WBP1L: variants seen among roughly 807,000 people sequenced by gnomAD.
The protein encoded by WBP1L is WW domain binding protein 1 like, also known as WW domain binding protein 1-like.
Under a neutral mutation model 33.7 loss-of-function variants are expected in WBP1L, and 17 were observed. The observed-to-expected ratio is 0.50, with a 90% CI of 0.34 to 0.76. The LOEUF (loss-of-function observed/expected upper bound fraction) is 0.76, where lower values mean the gene tolerates loss of function less well. Ranked by LOEUF, WBP1L falls within the 30% of genes least tolerant of loss-of-function variation. WBP1L has a pLI of 0.01. For synonymous variants in WBP1L, 173 were observed against 190.8 expected, an observed-to-expected ratio of 0.91 and a Z score of 0.77; for missense variants, 389 against 469.4, an observed-to-expected ratio of 0.83 and a Z score of 1.58.
chr10:102,780,387 G>T (rs919884704), intron 1 of WBP1L, among the ~76,000 whole-genome samples: 1 of 152,192 alleles, frequency 6.6e-6, no homozygotes. Context: ...CTGGTTAAGA[G>T]AAATTCCATT....
At chr10:102,790,382 G>GTATC (rs1209896978) in intron 1 of WBP1L, among the ~76,000 whole-genome samples, 1 of 151,944 alleles carries the variant, frequency 6.6e-6, no homozygotes, top group Non-Finnish European at 1.5e-5. Context: ...AGATATGCTT[G>GTATC]TATCTTATAG....
chr10:102,783,633 C>T (rs1007121244), intron 1 of WBP1L, among the ~76,000 whole-genome samples: 2 of 152,212 alleles, frequency 1.3e-5, no homozygotes, highest in Non-Finnish European at 2.9e-5. Flanking sequence ...TTTTGCCCTT[C>T]CCCCATAGGG....
chr10:102,752,598 T>C (rs1388567369), intron 1 of WBP1L, among the ~76,000 whole-genome samples: 3 of 152,226 alleles, frequency 2.0e-5, no homozygotes, highest in African/African-American at 7.2e-5. Context: ...TTTAAGAACA[T>C]GATTTGCTTT....
intron 1 of WBP1L, among the ~76,000 whole-genome samples, chr10:102,764,665 A>G (rs876003): frequency 0.024 from 3,640 of 152,120 alleles, 47 homozygotes; most frequent in African/African-American, 0.036. Context: ...ACCCTCTACA[A>G]CTTATTGGAG....
At chr10:102,760,198 T>G (rs1211712379) in intron 1 of WBP1L, among the ~76,000 whole-genome samples, 1 of 152,158 alleles carries the variant, frequency 6.6e-6, no homozygotes, top group East Asian at 1.9e-4. Context: ...TACCCTTATC[T>G]GACTCGGGGG....
intron 1 of WBP1L, among the ~76,000 whole-genome samples, chr10:102,770,788 G>T (rs1476664707): frequency 2.0e-5 from 3 of 152,226 alleles, no homozygotes. Flanking sequence ...CCAGAGCGCT[G>T]ACCAGGGACC....
intron 2 of WBP1L, chr10:102,803,803 T>C (rs1590191502): frequency 6.6e-6 from 1 of 151,980 alleles, no homozygotes; most frequent in Non-Finnish European, 1.5e-5. Flanking sequence ...GGAGACGAGG[T>C]TTCACTGTGT....
chr10:102,789,333 A>C (rs1213612857), intron 1 of WBP1L, among the ~76,000 whole-genome samples: 1 of 152,064 alleles, frequency 6.6e-6, no homozygotes, highest in African/African-American at 2.4e-5. Context: ...CTCCCCTTTC[A>C]CACTGCTTTC....
rs41287470 is a variant in WBP1L at position 102,812,992 on chromosome 10, C to T, written c.753C>T (p.His251=). The T allele has an allele frequency of 2.6e-3, 4,262 of 1,613,420 alleles. 10 individuals are homozygous for T. Among genetic ancestry groups the T allele is most frequent in the Non-Finnish European group, 3.3e-3 (3,941 of 1,179,886 alleles). Residue 251 remains histidine, a synonymous_variant, in exon 4 of 4, where the codon CAC becomes CAT. Transcript: ENST00000448841. ...EELLKDDSSE[H]GAPDSKEKTP... is the part of the protein sequence containing the mutation. ...TGCTGAAAGATGACAGCTCTGAACA[C>T]GGCGCACCCGACAGCAAAGAGAAGA...
intron 2 of WBP1L, among the ~76,000 whole-genome samples, chr10:102,799,742 C>G (rs1455147381): frequency 6.6e-6 from 1 of 152,118 alleles, no homozygotes; most frequent in Non-Finnish European, 1.5e-5. Flanking sequence ...CTGCGCCTTT[C>G]CCCTTTCTCA....
intron 1 of WBP1L, among the ~76,000 whole-genome samples, chr10:102,771,452 G>A (rs748271212): frequency 2.0e-5 from 3 of 152,078 alleles, no homozygotes; most frequent in Non-Finnish European, 4.4e-5. Flanking sequence ...ATAAGGAGGC[G>A]AGGTGAAGCG....
At chr10:102,775,780 G>A (rs1009048700) in intron 1 of WBP1L, among the ~76,000 whole-genome samples, 2 of 152,134 alleles carry the variant, frequency 1.3e-5, no homozygotes, top group Non-Finnish European at 2.9e-5. Flanking sequence ...TGGCAGGGGT[G>A]GGGGTGGAAA....
intron 1 of WBP1L, among the ~76,000 whole-genome samples, chr10:102,772,558 CTTTTTTTTTTTTTTT>C (rs34624231): frequency 3.1e-5 from 2 of 64,714 alleles, no homozygotes; most frequent in Non-Finnish European, 6.1e-5. Context: ...ATGCCCGGCC[CTTTTTTTTTTTTTTT>C]TTTTTTTTTT....
chr10:102,745,160 G>A (rs768574471), intron 1 of WBP1L, among the ~76,000 whole-genome samples: 15 of 152,192 alleles, frequency 9.9e-5, no homozygotes, highest in African/African-American at 1.7e-4. Context: ...ACAACTTAGC[G>A]CTTGAACTTG....
chr10:102,786,230 G>C (rs1322713250), intron 1 of WBP1L, among the ~76,000 whole-genome samples: 1 of 152,144 alleles, frequency 6.6e-6, no homozygotes, highest in Non-Finnish European at 1.5e-5. Context: ...TCTATTATAT[G>C]TTTTAATGGA....
At chr10:102,774,094 A>G (rs1221597794) in intron 1 of WBP1L, among the ~76,000 whole-genome samples, 1 of 151,762 alleles carries the variant, frequency 6.6e-6, no homozygotes, top group Non-Finnish European at 1.5e-5. Context: ...TGCAGATTAC[A>G]TTGCCCATGA....
In WBP1L at chr10:102,768,980, G is replaced by A. The variant is rs150268651; in HGVS notation, c.90+24837G>A. Among the ~76,000 whole-genome samples the A allele has an allele frequency of 4.9e-3, 740 of 152,074 alleles. 10 individuals are homozygous for A. Among genetic ancestry groups the A allele is most frequent in the African/African-American group, 0.017 (701 of 41,468 alleles). On this transcript the variant is annotated intron_variant, in intron 1 of 3. Transcript: ENST00000448841. ...TGAGATTACAGGCTTGAGCCATTGC[G>A]CTTGGCCTCGTTTGTTTTTCAAGAG...
chr10:102,774,279 T>A (rs1012180285), intron 1 of WBP1L, among the ~76,000 whole-genome samples: 1 of 152,164 alleles, frequency 6.6e-6, no homozygotes, highest in Non-Finnish European at 1.5e-5. Flanking sequence ...TGTATGGCAG[T>A]TTGGCCTGGT....
chr10:102,804,537 G>A (rs1843705092), intron 2 of WBP1L, among the ~76,000 whole-genome samples: 1 of 151,558 alleles, frequency 6.6e-6, no homozygotes, highest in Admixed American at 6.6e-5. Flanking sequence ...TAATCACACT[G>A]CAGTAGTCAG....
Sources: gnomAD v4.1 joint callset for allele counts (sites outside exome capture counted in the v4.1 genomes callset) on GRCh38, gnomAD v4.1.1 for gene constraint, MANE v1.5 for transcripts, NCBI Gene and HGNC (gene_info 2026-07-23, HGNC 2026-07-21) for gene names.